The following TNNI3K variants were observed in gnomAD, a reference collection of about 807,000 sequenced individuals.
TNNI3K encodes the protein TNNI3 interacting kinase.
In TNNI3K, 140 loss-of-function variants were observed where a neutral mutation model predicts 114.5. The ratio of observed to expected loss-of-function variants is 1.22; its 90% CI spans 1.07 to 1.41. TNNI3K has a LOEUF of 1.41. Among genes scored for constraint, TNNI3K ranks in the 40% most tolerant of loss-of-function variants. The pLI, the probability that TNNI3K is intolerant of heterozygous loss-of-function variation, is 0.00. For missense variants in TNNI3K, 1,125 were observed against 1,007.6 expected (o/e 1.12, Z -1.58); for synonymous variants, 347 against 347.5 (o/e 1.00, Z 0.02).
At chr1:74,514,573 G>A (rs551437835) in intron 23 of TNNI3K, among the ~76,000 whole-genome samples, 1 of 152,164 alleles carries the variant, frequency 6.6e-6, no homozygotes, top group South Asian at 2.1e-4. Context: ...TATTTGCTAG[G>A]TAGATATTAT....
chr1:74,285,741 A>T (rs995124999), intron 5 of TNNI3K, among the ~76,000 whole-genome samples: 4 of 152,194 alleles, frequency 2.6e-5, no homozygotes, highest in African/African-American at 7.2e-5. Flanking sequence ...CAAGTGTTTT[A>T]GGAATTAAAC....
chr1:74,497,950 A>C (rs1669417497), intron 23 of TNNI3K, among the ~76,000 whole-genome samples: 1 of 152,042 alleles, frequency 6.6e-6, no homozygotes, highest in East Asian at 1.9e-4. Context: ...CTCTTCTCAG[A>C]TGCATCCTAG....
chr1:74,511,303 G>A (rs568328039), intron 23 of TNNI3K, among the ~76,000 whole-genome samples: 17 of 151,598 alleles, frequency 1.1e-4, no homozygotes, highest in Non-Finnish European at 2.1e-4. Flanking sequence ...AGCAATTCTC[G>A]TGCCTCAGGC....
At chr1:74,445,444 C>A (rs1264899894) in intron 20 of TNNI3K, among the ~76,000 whole-genome samples, 3 of 125,632 alleles carry the variant, frequency 2.4e-5, no homozygotes, top group African/African-American at 9.2e-5. Context: ...TTGTTCAATT[C>A]CCACCTATGA....
At chr1:74,368,324 A>T (rs924826880) in intron 13 of TNNI3K, among the ~76,000 whole-genome samples, 3 of 151,906 alleles carry the variant, frequency 2.0e-5, no homozygotes, top group Non-Finnish European at 4.4e-5. Flanking sequence ...AAATATCCCC[A>T]ATAAGTAATA....
chr1:74,278,632 A>G (rs1656822490), intron 5 of TNNI3K, among the ~76,000 whole-genome samples: 1 of 152,168 alleles, frequency 6.6e-6, no homozygotes, highest in African/African-American at 2.4e-5. Context: ...CATATAATTC[A>G]TCCATTTAAA....
At chr1:74,494,523 A>G (rs1669234632) in intron 23 of TNNI3K, among the ~76,000 whole-genome samples, 1 of 152,138 alleles carries the variant, frequency 6.6e-6, no homozygotes, top group Non-Finnish European at 1.5e-5. Flanking sequence ...ACTACATTAG[A>G]TTTGGTCACA....
chr1:74,358,598 C>G (rs773203519), intron 11 of TNNI3K, among the ~76,000 whole-genome samples: 19 of 152,114 alleles, frequency 1.2e-4, no homozygotes, highest in Admixed American at 6.5e-4. Flanking sequence ...TATGAACTCT[C>G]AGGCTTTTTC....
chr1:74,257,468 G>A (rs1230241164), intron 4 of TNNI3K, among the ~76,000 whole-genome samples: 1 of 151,934 alleles, frequency 6.6e-6, no homozygotes, highest in Non-Finnish European at 1.5e-5. Context: ...TAGAAATTAT[G>A]TATTATGTGT....
At chr1:74,542,941 G>C (rs1646742793) in intron 24 of TNNI3K, among the ~76,000 whole-genome samples, 1 of 151,970 alleles carries the variant, frequency 6.6e-6, no homozygotes, top group Non-Finnish European at 1.5e-5. Flanking sequence ...AAATGCCACT[G>C]GTATTTAGAC....
At chr1:74,312,196 T>C (rs987945240) in intron 5 of TNNI3K, among the ~76,000 whole-genome samples, 1 of 152,188 alleles carries the variant, frequency 6.6e-6, no homozygotes, top group African/African-American at 2.4e-5. Flanking sequence ...ACAGAGAAAT[T>C]GTGGAACCTC....
chr1:74,356,337 T>A (rs779459070), intron 11 of TNNI3K, among the ~76,000 whole-genome samples: 15 of 152,222 alleles, frequency 9.9e-5, no homozygotes, highest in Non-Finnish European at 1.9e-4. Context: ...TTATGAACAT[T>A]CATATATGTA....
intron 6 of TNNI3K, among the ~76,000 whole-genome samples, 190 bp from the exon 7 acceptor site, chr1:74,335,821 G>A (rs1660434029): frequency 6.6e-6 from 1 of 152,110 alleles, no homozygotes; most frequent in Non-Finnish European, 1.5e-5. Flanking sequence ...AGAACAGAAT[G>A]ACAGAAAGAA....
At chr1:74,284,652 T>G (rs1386366741) in intron 5 of TNNI3K, among the ~76,000 whole-genome samples, 1 of 152,212 alleles carries the variant, frequency 6.6e-6, no homozygotes, top group Non-Finnish European at 1.5e-5. Context: ...GCATCTTTCA[T>G]TTTGCAGCCA....
chr1:74,418,252 CAAGA>C, intron 17 of TNNI3K: 1 of 432,846 alleles, frequency 2.3e-6, no homozygotes, highest in South Asian at 1.6e-5. Flanking sequence ...AGCAGAGCAG[CAAGA>C]AAGAAGGCAT....
At chr1:74,336,223 A>G in intron 7 of TNNI3K, 74 bp downstream of exon 7, 3 of 1,503,672 alleles carry the variant, frequency 2.0e-6, no homozygotes, top group East Asian at 5.0e-5. Context: ...TTCTCTTACT[A>G]GAGAATAATC....
At chr1:74,437,513 T>A (rs1666190622) in intron 19 of TNNI3K, among the ~76,000 whole-genome samples, 1 of 151,722 alleles carries the variant, frequency 6.6e-6, no homozygotes, top group Non-Finnish European at 1.5e-5. Flanking sequence ...ACGTTAACAT[T>A]TAATAAGAGG....
intron 5 of TNNI3K, among the ~76,000 whole-genome samples, chr1:74,293,234 G>A (rs1292527786): frequency 6.6e-6 from 1 of 151,396 alleles, no homozygotes; most frequent in Non-Finnish European, 1.5e-5. Flanking sequence ...ATTTCCATTT[G>A]CTCCATCTTG....
At chr1:74,465,256 C>T (rs1667618705) in intron 21 of TNNI3K, among the ~76,000 whole-genome samples, 1 of 152,188 alleles carries the variant, frequency 6.6e-6, no homozygotes, top group African/African-American at 2.4e-5. Context: ...AGCCCACTCC[C>T]TCAGCTTGCG....
Sources: allele counts gnomAD v4.1 joint callset (sites outside exome capture counted in the v4.1 genomes callset), GRCh38; gene constraint gnomAD v4.1.1; transcripts MANE v1.5; gene names NCBI Gene and HGNC (gene_info 2026-07-23, HGNC 2026-07-21).